Variants in PTPRD observed in about 807,000 individuals in gnomAD.
PTPRD encodes the protein receptor-type tyrosine-protein phosphatase delta.
A neutral mutation model predicts 214.5 loss-of-function variants in PTPRD; 34 were observed. The observed-to-expected ratio is 0.16, with a 90% CI of 0.12 to 0.21. The LOEUF (loss-of-function observed/expected upper bound fraction) is 0.21, where lower values mean the gene tolerates loss of function less well. Ranked by LOEUF, PTPRD falls within the 10% of genes least tolerant of loss-of-function variation. The probability of loss-of-function intolerance (pLI) is 1.00; values close to 1 mark genes in which losing one functional copy is unlikely to be tolerated. For missense variants in PTPRD, 2,545 were observed against 2,398.7 expected (o/e 1.06, Z -1.27); for synonymous variants, 1,128 against 845.7 (o/e 1.33, Z -5.79).
chr9:9,572,889 C>A (rs1422582750), intron 8 of PTPRD, among the ~76,000 whole-genome samples: 1 of 151,396 alleles, frequency 6.6e-6, no homozygotes. Flanking sequence ...GGATGAAAAA[C>A]CCCGGTGTCA....
At chr9:8,923,384 G>C (rs920258772) in intron 11 of PTPRD, among the ~76,000 whole-genome samples, 3 of 151,896 alleles carry the variant, frequency 2.0e-5, no homozygotes, top group African/African-American at 4.8e-5. Flanking sequence ...TCAGCACCGA[G>C]AGCAAGCAAT....
intron 2 of PTPRD, among the ~76,000 whole-genome samples, chr9:10,373,511 T>C (rs1356093850): frequency 6.6e-6 from 1 of 152,070 alleles, no homozygotes; most frequent in Non-Finnish European, 1.5e-5. Flanking sequence ...CATACAAGTG[T>C]TTGAAATAAG....
chr9:8,779,212 G>T (rs1292512233), intron 11 of PTPRD, among the ~76,000 whole-genome samples: 2 of 152,100 alleles, frequency 1.3e-5, no homozygotes, highest in East Asian at 1.9e-4. Context: ...ATAATATAAA[G>T]AACAACAAGA....
chr9:9,869,428 C>A (rs922178004), intron 5 of PTPRD, among the ~76,000 whole-genome samples: 1 of 152,056 alleles, frequency 6.6e-6, no homozygotes, highest in South Asian at 2.1e-4. Context: ...TTGACACCAG[C>A]TGAATTCACC....
intron 34 of PTPRD, among the ~76,000 whole-genome samples, chr9:8,440,820 C>T (rs372348224): frequency 2.3e-4 from 35 of 152,246 alleles, no homozygotes; most frequent in Admixed American, 7.2e-4. Context: ...AAGAAGTAAA[C>T]TTTAAAATCA....
At chr9:8,632,578 G>C (rs959528957) in intron 14 of PTPRD, among the ~76,000 whole-genome samples, 3 of 151,886 alleles carry the variant, frequency 2.0e-5, no homozygotes, top group South Asian at 4.1e-4. Context: ...GGGAATGTTC[G>C]TATCTCTATA....
At chr9:8,845,251 T>A (rs901867240) in intron 11 of PTPRD, among the ~76,000 whole-genome samples, 2 of 152,184 alleles carry the variant, frequency 1.3e-5, no homozygotes, top group African/African-American at 4.8e-5. Flanking sequence ...CTTATACTTT[T>A]GAAAAAGTTT....
intron 5 of PTPRD, among the ~76,000 whole-genome samples, chr9:9,918,182 GATAA>G: frequency 6.6e-6 from 1 of 151,798 alleles, no homozygotes; most frequent in Non-Finnish European, 1.5e-5. Context: ...TCTCAGACTT[GATAA>G]ATAAATTCAG....
intron 9 of PTPRD, among the ~76,000 whole-genome samples, chr9:9,260,148 A>C (rs1394332867): frequency 2.0e-5 from 3 of 151,908 alleles, no homozygotes; most frequent in Admixed American, 6.6e-5. Context: ...GTATGTACAT[A>C]ACATTATCTT....
chr9:9,724,837 T>A (rs1487521159), intron 7 of PTPRD, among the ~76,000 whole-genome samples: 2 of 152,064 alleles, frequency 1.3e-5, no homozygotes, highest in African/African-American at 4.8e-5. Context: ...AGGTAACAAG[T>A]GATATAGCTG....
chr9:8,599,084 T>C (rs2094646583), intron 14 of PTPRD, among the ~76,000 whole-genome samples: 1 of 152,130 alleles, frequency 6.6e-6, no homozygotes, highest in Non-Finnish European at 1.5e-5. Flanking sequence ...TCCCAAGCTG[T>C]TCTCATGAGA....
At chr9:9,760,653 C>T (rs2382053) in intron 6 of PTPRD, among the ~76,000 whole-genome samples, 4,640 of 59,966 alleles carry the variant, frequency 0.077, 268 homozygotes, top group African/African-American at 0.27. Context: ...CACACACACA[C>T]ATATATATAT....
intron 9 of PTPRD, among the ~76,000 whole-genome samples, chr9:9,318,367 T>A (rs1359834016): frequency 6.6e-6 from 1 of 152,128 alleles, no homozygotes; most frequent in Non-Finnish European, 1.5e-5. Flanking sequence ...TTGTAATATC[T>A]GAATTGACTG....
intron 2 of PTPRD, among the ~76,000 whole-genome samples, chr9:10,604,178 TTCTGACC>T (rs368195778): frequency 0.97 from 146,981 of 151,630 alleles, 71,414 homozygotes; most frequent in East Asian, 1. Context: ...TTCTGACCTA[TTCTGACC>T]ATATTCTGAC....
At chr9:9,933,943 T>A (rs533692017) in intron 5 of PTPRD, among the ~76,000 whole-genome samples, 9,372 of 144,202 alleles carry the variant, frequency 0.065, 780 homozygotes, top group East Asian at 0.18. Flanking sequence ...GCTGCTCAAC[T>A]ACATGGAAAC....
chr9:8,373,500 C>G (rs2082145857), intron 39 of PTPRD, among the ~76,000 whole-genome samples: 1 of 151,926 alleles, frequency 6.6e-6, no homozygotes, highest in Non-Finnish European at 1.5e-5. Flanking sequence ...CACAGCACTT[C>G]CAAATGTCAG....
intron 5 of PTPRD, among the ~76,000 whole-genome samples, chr9:9,904,657 C>T (rs981608365): frequency 1.3e-5 from 2 of 151,808 alleles, no homozygotes; most frequent in African/African-American, 4.8e-5. Flanking sequence ...TAAAAAAATG[C>T]TCCAAAAAAG....
chr9:9,019,389 C>T (rs537804752), intron 10 of PTPRD, among the ~76,000 whole-genome samples: 1 of 151,082 alleles, frequency 6.6e-6, no homozygotes, highest in Non-Finnish European at 1.5e-5. Context: ...AGGCTGAGGG[C>T]TTATTAAACT....
intron 2 of PTPRD, among the ~76,000 whole-genome samples, chr9:10,357,274 T>C (rs965041436): frequency 6.6e-6 from 1 of 152,204 alleles, no homozygotes; most frequent in African/African-American, 2.4e-5. Context: ...TTTCTGTGTT[T>C]GATTTGATTT....
Sources: allele counts gnomAD v4.1 joint callset (sites outside exome capture counted in the v4.1 genomes callset), GRCh38; gene constraint gnomAD v4.1.1; transcripts MANE v1.5; gene names NCBI Gene and HGNC (gene_info 2026-07-23, HGNC 2026-07-21).